Variants in CDKAL1 observed in about 807,000 individuals in gnomAD.
CDKAL1 encodes the protein threonylcarbamoyladenosine tRNA methylthiotransferase.
CDKAL1 carries 32 observed loss-of-function variants against 68.2 expected under a neutral mutation model. The observed-to-expected ratio is 0.47, with a 90% CI of 0.35 to 0.63. CDKAL1 has a LOEUF of 0.63. Ranked by LOEUF, CDKAL1 falls within the 30% of genes least tolerant of loss-of-function variation. CDKAL1 has a pLI of 0.00. For synonymous variants in CDKAL1, 234 were observed against 244.3 expected (o/e 0.96, Z 0.39); for missense variants, 606 against 696.7 (o/e 0.87, Z 1.47).
chr6:20,774,179 T>C (rs4712545), intron 7 of CDKAL1, among the ~76,000 whole-genome samples: 67,879 of 151,886 alleles, frequency 0.45, 15,384 homozygotes, highest in South Asian at 0.5. Context: ...GAAGAAAAGT[T>C]GGGCTGTTTA....
chr6:20,945,780 A>G (rs1011954480), intron 9 of CDKAL1, among the ~76,000 whole-genome samples: 1 of 152,244 alleles, frequency 6.6e-6, no homozygotes, highest in Non-Finnish European at 1.5e-5. Context: ...ACTAAAAACC[A>G]TACATTGTTA....
intron 8 of CDKAL1, among the ~76,000 whole-genome samples, chr6:20,843,429 A>T (rs1189989268): frequency 6.6e-6 from 1 of 151,910 alleles, no homozygotes; most frequent in Non-Finnish European, 1.5e-5. Context: ...AATGCTTGGA[A>T]CCAGCATTTC....
intron 13 of CDKAL1, among the ~76,000 whole-genome samples, chr6:21,152,936 A>G (rs1300043579): frequency 1.3e-5 from 2 of 152,186 alleles, no homozygotes; most frequent in Non-Finnish European, 2.9e-5. Context: ...CTCTTAGAGT[A>G]CCAGCAATTT....
chr6:20,901,699 A>AAGAAAAG (rs1554137983), intron 9 of CDKAL1, among the ~76,000 whole-genome samples: 1 of 75,974 alleles, frequency 1.3e-5, no homozygotes, highest in Non-Finnish European at 2.3e-5. Flanking sequence ...AAAAAAAAAA[A>AAGAAAAG]AAAAGAAAAG....
intron 8 of CDKAL1, among the ~76,000 whole-genome samples, chr6:20,798,251 G>C (rs374963297): frequency 6.6e-6 from 1 of 152,170 alleles, no homozygotes; most frequent in East Asian, 1.9e-4. Flanking sequence ...TAGCACAAGG[G>C]AATGTTCTAG....
chr6:20,617,776 C>T (rs186856183), intron 4 of CDKAL1, among the ~76,000 whole-genome samples: 19 of 152,218 alleles, frequency 1.2e-4, no homozygotes, highest in Non-Finnish European at 2.4e-4. Context: ...CATAGTATTC[C>T]GTGGTGTATA....
Position 20,846,093 on chromosome 6 carries a change from C to G in CDKAL1, c.657C>G (p.Thr219=). 2 of 1,611,686 alleles carry G rather than the reference C, an allele frequency of 1.2e-6. No individual in the cohort carries two copies. Among genetic ancestry groups the G allele is most frequent in the Non-Finnish European group, 1.7e-6 (2 of 1,178,392 alleles). The change falls in exon 9 of 16, where the codon ACC becomes ACG. Residue 219 remains threonine (T), a synonymous_variant. Transcript: ENST00000274695. ...TGAACAGGTGTCTCAATGCTTGTAC[C>G]TACTGCAAAACTAAACACGCCAGAG... is the stretch of plus-strand genomic sequence containing the variant. ...SINTGCLNAC[T]YCKTKHARGN...
chr6:20,706,546 C>G (rs975521014), intron 5 of CDKAL1, among the ~76,000 whole-genome samples: 4 of 152,164 alleles, frequency 2.6e-5, no homozygotes, highest in Non-Finnish European at 5.9e-5. Flanking sequence ...CTTTTATTTA[C>G]TCAAGCCAAA....
At position 20,594,212 on chromosome 6, in the gene CDKAL1, T is replaced by A. The variant is rs543827446; in HGVS notation, c.286+45507T>A. On this transcript the variant is annotated intron_variant, in intron 4 of 15. Transcript: ENST00000274695. Reference sequence around the variant, plus strand: ...TAGGTCTGCTTGTTCCAGAGCTGAGTTCAAGTCCTGAATATCCTTGTTAAT... The same window carrying A: ...TAGGTCTGCTTGTTCCAGAGCTGAGATCAAGTCCTGAATATCCTTGTTAAT... Among the ~76,000 whole-genome samples, 134 of 152,338 alleles carry A rather than the reference T, an allele frequency of 8.8e-4. 1 individual carries two copies. The highest frequency in any genetic ancestry group is 2.6e-3 in the Admixed American group (40 of 15,306).
At chr6:21,199,333 C>G (rs1426660302) in intron 14 of CDKAL1, among the ~76,000 whole-genome samples, 2 of 152,216 alleles carry the variant, frequency 1.3e-5, no homozygotes, top group Non-Finnish European at 2.9e-5. Context: ...TAAACGTGCT[C>G]TGTTCAGTAC....
chr6:20,969,244 ACAAT>A (rs1765474408), intron 10 of CDKAL1, among the ~76,000 whole-genome samples: 1 of 152,208 alleles, frequency 6.6e-6, no homozygotes, highest in African/African-American at 2.4e-5. Context: ...ATTAACATAA[ACAAT>A]CAATTAATGC....
intron 4 of CDKAL1, among the ~76,000 whole-genome samples, chr6:20,585,962 C>A (rs1765337894): frequency 6.6e-6 from 1 of 152,142 alleles, no homozygotes; most frequent in Admixed American, 6.5e-5. Context: ...TAATCTCCCC[C>A]ACAAATCTGT....
At chr6:20,834,489 T>G (rs1010555981) in intron 8 of CDKAL1, among the ~76,000 whole-genome samples, 20 of 152,184 alleles carry the variant, frequency 1.3e-4, no homozygotes, top group Non-Finnish European at 1.5e-5. Context: ...CTTCTGGGAT[T>G]TGGCCTTTTG....
At chr6:20,903,102 A>G (rs1008567928) in intron 9 of CDKAL1, among the ~76,000 whole-genome samples, 2 of 152,130 alleles carry the variant, frequency 1.3e-5, no homozygotes, top group Non-Finnish European at 2.9e-5. Context: ...TGCCAGGCCT[A>G]TTCACCAAAA....
At chr6:20,612,242 A>AT (rs201068710) in intron 4 of CDKAL1, among the ~76,000 whole-genome samples, 12 of 151,384 alleles carry the variant, frequency 7.9e-5, no homozygotes, top group South Asian at 2.1e-4. Context: ...TGATAAACTG[A>AT]TTTTTTTTTC....
intron 8 of CDKAL1, among the ~76,000 whole-genome samples, chr6:20,820,368 G>A (rs188782644): frequency 4.6e-3 from 696 of 152,230 alleles, no homozygotes; most frequent in Middle Eastern, 6.8e-3. Flanking sequence ...GTAATTTACA[G>A]ACATTAGCTT....
At chr6:21,201,363 T>G (rs1440670544) in intron 15 of CDKAL1, 89 bp downstream of exon 15, 1 of 1,172,120 alleles carries the variant, frequency 8.5e-7, no homozygotes, top group African/African-American at 1.5e-5. Flanking sequence ...CTGTTATCAT[T>G]TATAGTTCCC....
intron 9 of CDKAL1, among the ~76,000 whole-genome samples, chr6:20,906,447 A>G (rs9460573): frequency 0.078 from 11,823 of 152,238 alleles, 537 homozygotes; most frequent in African/African-American, 0.11. Context: ...TACATATAAA[A>G]TACACAGATG....
chr6:21,049,026 G>T (rs1156962998), intron 11 of CDKAL1, among the ~76,000 whole-genome samples: 1 of 152,008 alleles, frequency 6.6e-6, no homozygotes, highest in Non-Finnish European at 1.5e-5. Context: ...TCTGACTTAG[G>T]GGTGGGGGTG....
Sources: gnomAD v4.1 joint callset for allele counts (sites outside exome capture counted in the v4.1 genomes callset) on GRCh38, gnomAD v4.1.1 for gene constraint, MANE v1.5 for transcripts, NCBI Gene and HGNC (gene_info 2026-07-23, HGNC 2026-07-21) for gene names.